Variants in RELN observed in about 807,000 individuals in gnomAD.
The protein encoded by RELN is reelin.
Under a neutral mutation model 427.6 loss-of-function variants are expected in RELN, and 108 were observed. That is an observed-to-expected ratio of 0.25 (90% CI 0.22 to 0.30). RELN has a LOEUF of 0.30. RELN is among the 10% of genes least tolerant of loss of function. RELN has a pLI of 1.00. For synonymous variants in RELN, 1,524 were observed against 1,513.4 expected, an observed-to-expected ratio of 1.01 and a Z score of -0.16; for missense variants, 3,715 against 4,302.8, an observed-to-expected ratio of 0.86 and a Z score of 3.82.
chr7:103,859,613 T>C (rs1227677946), intron 2 of RELN, among the ~76,000 whole-genome samples: 2 of 152,146 alleles, frequency 1.3e-5, no homozygotes, highest in African/African-American at 2.4e-5. Context: ...TATTTAATCT[T>C]ACGAAGATTT....
intron 57 of RELN, among the ~76,000 whole-genome samples, chr7:103,494,541 ATTTTTTTT>A (rs35989965): frequency 2.1e-4 from 26 of 126,174 alleles, no homozygotes; most frequent in Non-Finnish European, 3.0e-4. Flanking sequence ...CGCCCAGCTA[ATTTTTTTT>A]TTTTTTTTTT....
At chr7:103,478,436 A>G in intron 63 of RELN, 42 bp from the exon 64 acceptor site, 2 of 745,738 alleles carry the variant, frequency 2.7e-6, no homozygotes, top group Non-Finnish European at 4.9e-6. Flanking sequence ...AATATAACAC[A>G]AGTTAAAAAA....
chr7:103,964,064 C>T (rs1381809094), intron 1 of RELN, among the ~76,000 whole-genome samples: 1 of 152,064 alleles, frequency 6.6e-6, no homozygotes, highest in East Asian at 1.9e-4. Context: ...GAGGCTAAGG[C>T]AGGAGGATCA....
chr7:103,629,283 A>G (rs1424902493), intron 20 of RELN, among the ~76,000 whole-genome samples: 2 of 152,124 alleles, frequency 1.3e-5, no homozygotes, highest in African/African-American at 4.8e-5. Context: ...TAAATTATTG[A>G]CTGTTTGTTG....
At chr7:103,882,385 C>A (rs190956110) in intron 2 of RELN, among the ~76,000 whole-genome samples, 4 of 152,282 alleles carry the variant, frequency 2.6e-5, no homozygotes, top group Admixed American at 1.3e-4. Context: ...TCTCAGTTAT[C>A]TTTGAATGGG....
At chr7:103,490,890 T>A in intron 58 of RELN, 61 bp from the exon 59 acceptor site, 2 of 1,539,118 alleles carry the variant, frequency 1.3e-6, no homozygotes, top group East Asian at 2.3e-5. Context: ...TCTGTTAATG[T>A]CAAGGTAATG....
intron 22 of RELN, 37 bp downstream of exon 22, chr7:103,610,658 G>A (rs746824288): frequency 1.8e-5 from 19 of 1,037,010 alleles, no homozygotes; most frequent in Non-Finnish European, 2.9e-5. Flanking sequence ...GATAGTCAAA[G>A]TTAAAGTGAC....
At chr7:103,584,054 T>C (rs1831214851) in intron 28 of RELN, among the ~76,000 whole-genome samples, 1 of 152,050 alleles carries the variant, frequency 6.6e-6, no homozygotes, top group African/African-American at 2.4e-5. Flanking sequence ...ATCCTAGGAG[T>C]TCCTGCTGAC....
chr7:103,877,908 T>C (rs952993951), intron 2 of RELN, among the ~76,000 whole-genome samples: 1 of 147,060 alleles, frequency 6.8e-6, no homozygotes, highest in Non-Finnish European at 1.5e-5. Flanking sequence ...CTGGCTGGAG[T>C]GCAGTGGTAC....
At chr7:103,804,262 T>G (rs1792542090) in intron 3 of RELN, among the ~76,000 whole-genome samples, 1 of 152,158 alleles carries the variant, frequency 6.6e-6, no homozygotes, top group Non-Finnish European at 1.5e-5. Context: ...CTAAATTATG[T>G]CTAACATACC....
chr7:103,912,652 G>A (rs1437572670), intron 2 of RELN, among the ~76,000 whole-genome samples: 5 of 152,082 alleles, frequency 3.3e-5, no homozygotes, highest in African/African-American at 1.2e-4. Context: ...TTAATTTATG[G>A]AAGGTCTAAC....
intron 51 of RELN, among the ~76,000 whole-genome samples, chr7:103,508,471 C>A (rs1829289558): frequency 6.6e-6 from 1 of 152,158 alleles, no homozygotes; most frequent in South Asian, 2.1e-4. Context: ...GTTAAAAACT[C>A]AATAACTAGG....
At chr7:103,830,345 T>C (rs1229073613) in intron 3 of RELN, among the ~76,000 whole-genome samples, 1 of 151,930 alleles carries the variant, frequency 6.6e-6, no homozygotes, top group African/African-American at 2.4e-5. Flanking sequence ...AATAATGGTA[T>C]GAGTTAACTA....
chr7:103,809,092 G>T (rs2116333336), intron 3 of RELN, among the ~76,000 whole-genome samples: 1 of 152,274 alleles, frequency 6.6e-6, no homozygotes, highest in East Asian at 1.9e-4. Flanking sequence ...ATGGCCTTGG[G>T]CTTCTCAAGC....
chr7:103,792,694 T>A (rs1423256096), intron 3 of RELN, among the ~76,000 whole-genome samples: 5 of 152,100 alleles, frequency 3.3e-5, no homozygotes, highest in Non-Finnish European at 1.5e-5. Context: ...TATACTAAAA[T>A]TTTTATAATT....
chr7:103,915,204 C>T (rs929613382), intron 2 of RELN, among the ~76,000 whole-genome samples: 6 of 152,052 alleles, frequency 3.9e-5, no homozygotes, highest in African/African-American at 1.4e-4. Context: ...CATCCACAGA[C>T]CTTTAGTTAA....
chr7:103,810,601 G>A (rs376273570), intron 3 of RELN, among the ~76,000 whole-genome samples: 5 of 152,018 alleles, frequency 3.3e-5, no homozygotes, highest in African/African-American at 1.2e-4. Context: ...TGGCAATCTC[G>A]CTATTATCTT....
At chr7:103,907,563 T>C (rs73183743) in intron 2 of RELN, among the ~76,000 whole-genome samples, 1 of 148,546 alleles carries the variant, frequency 6.7e-6, no homozygotes, top group South Asian at 2.2e-4. Context: ...GAGAAGAGAA[T>C]AGAGAGTGAC....
chr7:103,805,759 A>G (rs758582947), intron 3 of RELN, among the ~76,000 whole-genome samples: 5 of 152,226 alleles, frequency 3.3e-5, no homozygotes, highest in Admixed American at 1.3e-4. Context: ...AAAATGAAGT[A>G]TAAGCCAAAT....
Sources: allele counts gnomAD v4.1 joint callset (sites outside exome capture counted in the v4.1 genomes callset), GRCh38; gene constraint gnomAD v4.1.1; transcripts MANE v1.5; gene names NCBI Gene and HGNC (gene_info 2026-07-23, HGNC 2026-07-21).